The following PXDN variants were observed in gnomAD, a reference collection of about 807,000 sequenced individuals.
PXDN encodes the protein peroxidasin homolog.
In PXDN, 77 loss-of-function variants were observed where a neutral mutation model predicts 140.3. The observed-to-expected ratio is 0.55, with a 90% CI of 0.46 to 0.66. The LOEUF (loss-of-function observed/expected upper bound fraction) is 0.66. Among genes scored for constraint, PXDN ranks in the 30% least tolerant of loss-of-function variants. PXDN has a pLI of 0.00. For synonymous variants in PXDN, 911 were observed against 857.4 expected (o/e 1.06, Z -1.09); for missense variants, 1,838 against 2,039.5 (o/e 0.90, Z 1.90).
At chr2:1,669,233 A>G (rs769120599) in intron 9 of PXDN, among the ~76,000 whole-genome samples, 1 of 152,200 alleles carries the variant, frequency 6.6e-6, no homozygotes, top group Non-Finnish European at 1.5e-5. Context: ...TCTCATTCAT[A>G]AGTGGGAGTT....
At position 1,649,452 on chromosome 2, in the gene PXDN, G is replaced by A; in HGVS notation, c.2328C>T (p.Asn776=). The A allele has an allele frequency of 1.2e-6, 2 of 1,614,016 alleles. No individual in the cohort carries two copies. The highest frequency in any genetic ancestry group is 1.7e-6 in the Non-Finnish European group (2 of 1,179,898). The change falls in exon 17 of 23, where the codon AAC becomes AAT. Residue 776 remains asparagine (N), a synonymous_variant. Transcript: ENST00000252804. This position sits in a 1 kb window ranked among gnomAD's most constrained non-coding sequence, Gnocchi z 7.1. ...LLKSVYENGF[N]TPRGINPHRL... Reference sequence around the variant, plus strand: ...GGTGGGGGTTGATGCCCCGAGGGGTGTTGAAGCCATTCTCGTACACGGATT... The same window carrying A: ...GGTGGGGGTTGATGCCCCGAGGGGTATTGAAGCCATTCTCGTACACGGATT...
At chr2:1,736,321 ACACTGAAAGGC>A (rs796173598) in intron 1 of PXDN, among the ~76,000 whole-genome samples, 29 of 152,314 alleles carry the variant, frequency 1.9e-4, no homozygotes, top group African/African-American at 7.0e-4. Flanking sequence ...TTTCACTAGT[ACACTGAAAGGC>A]CACTGTAGGG....
intron 6 of PXDN, among the ~76,000 whole-genome samples, chr2:1,680,858 G>C (rs780535463): frequency 6.6e-6 from 1 of 152,178 alleles, no homozygotes; most frequent in Admixed American, 6.5e-5. Flanking sequence ...GTGTGGGAAG[G>C]GGGGCTGCAT....
At position 1,660,850 on chromosome 2, in the gene PXDN, T is replaced by C. The variant is rs374997059; in HGVS notation, c.1837+31A>G. 3.3e-5 allele frequency: 53 copies of C among 1,592,896 alleles called. No homozygotes were observed. The Middle Eastern group carries it at 1.5e-3, about 45-fold the overall frequency. On this transcript the variant is annotated intron_variant, in intron 14 of 22. Coordinates refer to ENST00000252804, the MANE Select transcript of PXDN (RefSeq NM_012293.3). This position sits in a 1 kb window ranked among gnomAD's most constrained non-coding sequence, Gnocchi z 4.6. Reference sequence around the variant, plus strand: ...CTGCGGGCTTTCTTTGTGGATACCATGTGGGTAGATGTGGGCATGTGGCAT... The same window carrying C: ...CTGCGGGCTTTCTTTGTGGATACCACGTGGGTAGATGTGGGCATGTGGCAT...
chr2:1,724,137 TC>T (rs953992034), intron 1 of PXDN, among the ~76,000 whole-genome samples: 15 of 152,336 alleles, frequency 9.8e-5, no homozygotes, highest in African/African-American at 3.4e-4. Context: ...AAGCCATGTT[TC>T]TTTCCCACAA....
At chr2:1,697,053 G>A (rs539182255) in intron 1 of PXDN, among the ~76,000 whole-genome samples, 1 of 152,164 alleles carries the variant, frequency 6.6e-6, no homozygotes, top group African/African-American at 2.4e-5. Flanking sequence ...CAGTGCTTGG[G>A]AGCCTGTTAG....
intron 1 of PXDN, among the ~76,000 whole-genome samples, chr2:1,732,295 A>T (rs1685330169): frequency 6.6e-6 from 1 of 152,114 alleles, no homozygotes; most frequent in South Asian, 2.1e-4. Context: ...CCCTCCCGGG[A>T]TAGGGAGAGA....
In PXDN at chr2:1,653,670, C is replaced by T; in HGVS notation, c.2062G>A (p.Glu688Lys). ...ACCATCAAGCCATGCTGTACATGCT[C>T]CTGAATGAGCTGCAATGTCCGTTCA... is the stretch of plus-strand genomic sequence containing the variant. The part of the protein sequence containing the change: ...IFERTLQLIQ[E>K]HVQHGLMVDL... The change falls in exon 16 of 23, where the codon GAG becomes AAG. Residue 688 changes from glutamate (E) to lysine (K), a missense_variant. By Grantham distance (56) the Glu-to-Lys change is moderately conservative (BLOSUM62 1). This residue lies in a region of PXDN where 537 missense variants were observed against 583.9 expected (regional missense o/e 0.92). Transcript: ENST00000252804. The T allele has an allele frequency of 6.2e-7, 1 of 1,612,426 alleles. No individual in the cohort carries two copies. Among genetic ancestry groups the T allele is most frequent in the South Asian group, 1.1e-5 (1 of 90,338 alleles).
chr2:1,740,302 A>G (rs1685511510), intron 1 of PXDN, among the ~76,000 whole-genome samples: 1 of 152,112 alleles, frequency 6.6e-6, no homozygotes, highest in Non-Finnish European at 1.5e-5. Context: ...TGAGGAGGAG[A>G]GGTCCTCTCC....
intron 1 of PXDN, among the ~76,000 whole-genome samples, chr2:1,721,771 G>A (rs1255206706): frequency 1.3e-5 from 2 of 152,102 alleles, no homozygotes; most frequent in Non-Finnish European, 2.9e-5. Context: ...AGCTTGCAGT[G>A]CCACTGCACT....
chr2:1,665,132 G>A (rs954840382), intron 10 of PXDN, 58 bp from the exon 11 acceptor site: 30 of 1,305,498 alleles, frequency 2.3e-5, no homozygotes, highest in Middle Eastern at 1.8e-4. Flanking sequence ...GGGTAAAAAC[G>A]CGACCAAGAA....
intron 6 of PXDN, among the ~76,000 whole-genome samples, chr2:1,681,530 T>G (rs1683905931): frequency 6.8e-6 from 1 of 147,146 alleles, no homozygotes; most frequent in Non-Finnish European, 1.5e-5. Context: ...GGCGGCAGCG[T>G]GAGGGCATCT....
intron 1 of PXDN, among the ~76,000 whole-genome samples, chr2:1,717,645 T>C (rs557753963): frequency 1.3e-5 from 2 of 152,298 alleles, no homozygotes; most frequent in African/African-American, 2.4e-5. Context: ...TAGCTGATCC[T>C]GAGCCTGGAA....
chr2:1,653,164 A>G (rs978082132), intron 16 of PXDN: 2 of 262,686 alleles, frequency 7.6e-6, no homozygotes, highest in Non-Finnish European at 1.5e-5. Flanking sequence ...CAGCATCTCC[A>G]CACCAGCCCG....
chr2:1,716,799 C>T (rs2125475416), intron 1 of PXDN, among the ~76,000 whole-genome samples: 1 of 152,280 alleles, frequency 6.6e-6, no homozygotes, highest in South Asian at 2.1e-4. Flanking sequence ...CTGTTTGACC[C>T]CAAGGACAAA....
chr2:1,714,726 G>A lies in PXDN; in HGVS notation c.201-21592C>T, dbSNP rs1194648655. 6.6e-6 allele frequency among the ~76,000 whole-genome samples: 1 copy of A among 152,204 alleles called. No homozygotes were observed. The highest frequency in any genetic ancestry group is 2.4e-5 in the African/African-American group (1 of 41,464). ...ATTCCAATTTCATAAAATGTCCACA[G>A]CATGAAATATTTACTCTTCTTTTGA... On this transcript the variant is annotated intron_variant, in intron 1 of 22. Transcript: ENST00000252804. This position sits in a 1 kb window ranked among gnomAD's most constrained non-coding sequence, Gnocchi z 4.3.
At position 1,714,935 on chromosome 2, in the gene PXDN, TC is replaced by T. The variant is rs1047486810; in HGVS notation, c.201-21802del. 6.6e-6 allele frequency among the ~76,000 whole-genome samples: 1 copy of T among 152,134 alleles called. No homozygotes were observed. The highest frequency in any genetic ancestry group is 2.4e-5 in the African/African-American group (1 of 41,420). ...CAGATTAACCTATGTCTAGCATTTA[TC>T]TTTTGGGAGCATCAGGTTTTAGGCG... is the stretch of plus-strand genomic sequence containing the variant. On this transcript the variant is annotated intron_variant, in intron 1 of 22. Transcript: ENST00000252804. This position sits in a 1 kb window ranked among gnomAD's most constrained non-coding sequence, Gnocchi z 4.3.
At chr2:1,635,872 A>C (rs969261086) in intron 21 of PXDN, 2 of 355,776 alleles carry the variant, frequency 5.6e-6, no homozygotes, top group Admixed American at 8.2e-5. Context: ...CCCCAGAGTC[A>C]AGTCTGCCTT....
At chr2:1,718,966 C>T (rs1684954518) in intron 1 of PXDN, among the ~76,000 whole-genome samples, 2 of 152,264 alleles carry the variant, frequency 1.3e-5, no homozygotes, top group African/African-American at 4.8e-5. Context: ...GACCATACCT[C>T]GCAGATGGCA....
Sources: gnomAD v4.1 joint callset for allele counts (sites outside exome capture counted in the v4.1 genomes callset) on GRCh38, gnomAD v4.1.1 for gene constraint, gnomAD v4.1.1 regional missense constraint, Gnocchi (gnomAD v3.1) non-coding constraint, MANE v1.5 for transcripts, NCBI Gene and HGNC (gene_info 2026-07-23, HGNC 2026-07-21) for gene names.